The following TOPORS variants were observed in gnomAD, a reference collection of about 807,000 sequenced individuals.
TOPORS encodes the protein TOP1 binding arginine/serine rich protein, E3 ubiquitin ligase, also known as E3 ubiquitin-protein ligase Topors.
Under a neutral mutation model 81.4 loss-of-function variants are expected in TOPORS, and 25 were observed. The ratio of observed to expected loss-of-function variants is 0.31; its 90% CI spans 0.22 to 0.43. The LOEUF (loss-of-function observed/expected upper bound fraction) is 0.43. TOPORS is among the 20% of genes least tolerant of loss of function. The pLI, the probability that TOPORS is intolerant of heterozygous loss-of-function variation, is 1.00. For synonymous variants in TOPORS, 473 were observed against 456.6 expected (o/e 1.04, Z -0.46); for missense variants, 1,101 against 1,267.0 (o/e 0.87, Z 1.99).
intron 2 of TOPORS, among the ~76,000 whole-genome samples, chr9:32,546,588 T>C (rs1821143112): frequency 6.6e-6 from 1 of 152,256 alleles, no homozygotes; most frequent in African/African-American, 2.4e-5. Flanking sequence ...AATAGAATTT[T>C]AGTGTTTTCT....
rs760041665 is a variant in TOPORS at position 32,543,354 on chromosome 9, C to G, written c.1171G>C (p.Val391Leu). 1.2e-6 allele frequency: 2 copies of G among 1,614,106 alleles called. No individual in the cohort carries two copies. The highest frequency in any genetic ancestry group is 1.7e-6 in the Non-Finnish European group (2 of 1,180,026). Residue 391 changes from valine (V) to leucine (L), a missense_variant, in exon 3 of 3, where the codon GTC (valine) becomes CTC (leucine). By Grantham distance (32) the Val-to-Leu change is conservative (BLOSUM62 1). Coordinates refer to ENST00000360538, the MANE Select transcript of TOPORS (RefSeq NM_005802.5). The surrounding 1 kb of genome is among the most constrained non-coding windows in gnomAD (Gnocchi z 5.6). Reference sequence around the variant, plus strand: ...GCCTCATCTGGAGATATTGTTATGACTGAAGAATCAGAATGGCTGCCTTCT... The same window carrying G: ...GCCTCATCTGGAGATATTGTTATGAGTGAAGAATCAGAATGGCTGCCTTCT... The part of the protein sequence containing the change: ...YEEGSHSDSS[V>L]ITISPDEAET...
At chr9:32,549,641 A>G (rs1395703731) in intron 2 of TOPORS, among the ~76,000 whole-genome samples, 2 of 152,196 alleles carry the variant, frequency 1.3e-5, no homozygotes, top group African/African-American at 4.8e-5. Flanking sequence ...ATCACCCATA[A>G]CTGATTATAT....
chr9:32,552,321 G>C, intron 1 of TOPORS, 113 bp downstream of exon 1: 2 of 1,461,356 alleles, frequency 1.4e-6, no homozygotes, highest in South Asian at 1.2e-5. Context: ...GAGTGGGCGG[G>C]CGCTCGTGCC....
rs1821115107 is a variant in TOPORS, at chr9:32,544,338, A to G, written c.199-12T>C. On this transcript the variant is annotated splice_polypyrimidine_tract_variant and intron_variant, in intron 2 of 2. Transcript: ENST00000360538. ...GCTGATGCCATTATCTGTAAAAGGG[A>G]AAGAAATATATCAGTAACCTGATAA... 6.3e-7 allele frequency: 1 copy of G among 1,598,828 alleles called. No homozygotes were observed. Among genetic ancestry groups the G allele is most frequent in the South Asian group, 1.1e-5 (1 of 91,064 alleles).
At chr9:32,547,614 T>C (rs1226678535) in intron 2 of TOPORS, among the ~76,000 whole-genome samples, 2 of 152,148 alleles carry the variant, frequency 1.3e-5, no homozygotes, top group Admixed American at 1.3e-4. Context: ...AACCCACATA[T>C]TGTATGATAC....
intron 2 of TOPORS, among the ~76,000 whole-genome samples, chr9:32,544,949 A>C (rs912065105): frequency 6.6e-6 from 1 of 152,234 alleles, no homozygotes; most frequent in Non-Finnish European, 1.5e-5. Context: ...GATATTTTGT[A>C]TGTACTTTTC....
At chr9:32,551,899 T>G (rs1240158899) in intron 1 of TOPORS, 1 of 372,704 alleles carries the variant, frequency 2.7e-6, no homozygotes. Flanking sequence ...CCACAACGAT[T>G]TGTCACATAT....
At position 32,543,764 on chromosome 9, in the gene TOPORS, T is replaced by C. The variant is rs766304397; in HGVS notation, c.761A>G (p.Asp254Gly). 3.7e-6 allele frequency: 6 copies of C among 1,611,816 alleles called. No individual in the cohort carries two copies. Among genetic ancestry groups the C allele is most frequent in the East Asian group, 2.2e-5 (1 of 44,846 alleles). ...ERSLRKIQEQDIINFRRTLYR... is the reference protein window; with the variant it reads ...ERSLRKIQEQGIINFRRTLYR... ...AAGAGTTCGTCTAAAATTAATAATA[T>C]CTTGTTCTTGAATTTTCCGCAAAGA... is the stretch of plus-strand genomic sequence containing the variant. Residue 254 changes from aspartate to glycine, a missense_variant, in exon 3 of 3, where the codon GAT becomes GGT. This residue lies in a region of TOPORS where 120 missense variants were observed against 115.4 expected (regional missense o/e 1.04). Coordinates refer to ENST00000360538, the MANE Select transcript of TOPORS (RefSeq NM_005802.5). This position sits in a 1 kb window ranked among gnomAD's most constrained non-coding sequence, Gnocchi z 5.6.
intron 2 of TOPORS, among the ~76,000 whole-genome samples, chr9:32,545,107 A>C (rs1339515838): frequency 6.6e-6 from 1 of 152,228 alleles, no homozygotes; most frequent in African/African-American, 2.4e-5. Flanking sequence ...TTAAATAATA[A>C]ATGAAAAAGC....
At chr9:32,545,137 G>A (rs1821125092) in intron 2 of TOPORS, among the ~76,000 whole-genome samples, 1 of 152,124 alleles carries the variant, frequency 6.6e-6, no homozygotes, top group South Asian at 2.1e-4. Flanking sequence ...GCAGTGCCTG[G>A]CTCACAGTAG....
In TOPORS at chr9:32,543,835, A is replaced by T. The variant is rs1330398991; in HGVS notation, c.690T>A (p.Phe230Leu). 1 of 1,614,150 alleles carries T rather than the reference A, an allele frequency of 6.2e-7. No individual in the cohort carries two copies. ...GCCTCCTTACTGCAATCTGTCTCAT[A>T]AACTGAGGAATTTCAACATCTCTAG... Reference protein sequence around the residue: ...TRPRDVEIPQFMRQIAVRRPT... With the variant: ...TRPRDVEIPQLMRQIAVRRPT... Residue 230 changes from phenylalanine to leucine, a missense_variant, in exon 3 of 3, where the codon TTT (phenylalanine) becomes TTA (leucine). Phe to Leu is a conservative substitution (Grantham distance 22, BLOSUM62 0). Around this residue, in one of 9 missense-constraint regions of TOPORS, gnomAD observed 120 missense variants for 115.4 expected, o/e 1.04. Coordinates refer to ENST00000360538, the MANE Select transcript of TOPORS (RefSeq NM_005802.5). The surrounding 1 kb of genome is among the most constrained non-coding windows in gnomAD (Gnocchi z 5.6).
intron 2 of TOPORS, among the ~76,000 whole-genome samples, chr9:32,549,461 G>C (rs1388819229): frequency 6.6e-6 from 1 of 152,180 alleles, no homozygotes; most frequent in African/African-American, 2.4e-5. Context: ...GTAACCTGGA[G>C]GAAGTTTTTT....
intron 1 of TOPORS, chr9:32,551,636 A>T (rs950159531): frequency 3.7e-6 from 1 of 267,872 alleles, no homozygotes; most frequent in South Asian, 3.3e-5. Flanking sequence ...GCCCGTTGCC[A>T]GATTCTACTC....
chr9:32,543,854 T>A lies in TOPORS; in HGVS notation c.671A>T (p.Asp224Val). ...TCTCATAAACTGAGGAATTTCAACA[T>A]CTCTAGGTCTTGTTGAAATGCCTAA... ...EGLGISTRPR[D>V]VEIPQFMRQI... Residue 224 changes from aspartate (D) to valine (V), a missense_variant, in exon 3 of 3, where the codon GAT (aspartate) becomes GTT (valine). Asp to Val is a radical substitution (Grantham distance 152). This residue lies in a region of TOPORS where 120 missense variants were observed against 115.4 expected (regional missense o/e 1.04). Coordinates refer to ENST00000360538, the MANE Select transcript of TOPORS (RefSeq NM_005802.5). The surrounding 1 kb of genome is among the most constrained non-coding windows in gnomAD (Gnocchi z 5.6). 1.9e-6 allele frequency: 3 copies of A among 1,614,164 alleles called. No homozygotes were observed. The highest frequency in any genetic ancestry group is 1.1e-5 in the South Asian group (1 of 91,078).
intron 1 of TOPORS, chr9:32,551,744 G>A (rs1302997238): frequency 1.2e-5 from 5 of 431,796 alleles, no homozygotes; most frequent in Non-Finnish European, 2.4e-5. Flanking sequence ...TCTCACGCGC[G>A]GCAGTTCAAG....
chr9:32,545,308 A>G (rs1487882857), intron 2 of TOPORS, among the ~76,000 whole-genome samples: 2 of 151,652 alleles, frequency 1.3e-5, no homozygotes, highest in African/African-American at 4.9e-5. Context: ...CCCCTTCCCT[A>G]TTATCCTTTC....
rs1226521829 is a variant in TOPORS, at chr9:32,543,176, A to T, written c.1349T>A (p.Val450Asp). 1 of 1,613,980 alleles carries T rather than the reference A, an allele frequency of 6.2e-7. No individual in the cohort carries two copies. Among genetic ancestry groups the T allele is most frequent in the South Asian group, 1.1e-5 (1 of 91,084 alleles). Reference protein sequence around the residue: ...NTSDSSDEELVTGGATSQIQG... With the variant: ...NTSDSSDEELDTGGATSQIQG... Reference sequence around the variant, plus strand: ...TATCTGAGACGTGGCTCCTCCTGTGACAAGTTCTTCATCTGAACTGTCAGA... The same window carrying T: ...TATCTGAGACGTGGCTCCTCCTGTGTCAAGTTCTTCATCTGAACTGTCAGA... The change falls in exon 3 of 3, where the codon GTC becomes GAC. Residue 450 changes from valine to aspartate, a missense_variant. Val to Asp is a radical substitution (Grantham distance 152). Around this residue, in one of 9 missense-constraint regions of TOPORS, gnomAD observed 103 missense variants for 112.1 expected, o/e 0.92. Coordinates refer to ENST00000360538, the MANE Select transcript of TOPORS (RefSeq NM_005802.5). The surrounding 1 kb of genome is among the most constrained non-coding windows in gnomAD (Gnocchi z 5.6).
rs1821073267 is a variant in TOPORS, at chr9:32,542,108, G to C, written c.2417C>G (p.Thr806Ser). The stretch of plus-strand genomic sequence containing the variant: ...ACGAGATGGCTGAGCCACTTCGTTA[G>C]TACCCTCCAAATGCCGTGTTTTGTA... The part of the protein sequence containing the change: ...RKYKTRHLEG[T>S]NEVAQPSREF... The change falls in exon 3 of 3, where the codon ACT (threonine) becomes AGT (serine). Residue 806 changes from threonine (T) to serine (S), a missense_variant. This residue lies in a region of TOPORS where 605 missense variants were observed against 636.1 expected (regional missense o/e 0.95). Coordinates refer to ENST00000360538, the MANE Select transcript of TOPORS (RefSeq NM_005802.5). 1 of 1,614,062 alleles carries C rather than the reference G, an allele frequency of 6.2e-7. No individual in the cohort carries two copies. The highest frequency in any genetic ancestry group is 1.3e-5 in the African/African-American group (1 of 75,016).
chr9:32,551,121 AC>A (rs1821244830), intron 1 of TOPORS, 153 bp from the exon 2 acceptor site: 1 of 964,996 alleles, frequency 1.0e-6, no homozygotes, highest in Non-Finnish European at 1.6e-6. Flanking sequence ...GGCTCAGCGC[AC>A]CGGCCCAAAT....
Sources: allele counts gnomAD v4.1 joint callset (sites outside exome capture counted in the v4.1 genomes callset), GRCh38; gene constraint gnomAD v4.1.1; regional missense constraint gnomAD v4.1.1; non-coding constraint Gnocchi (gnomAD v3.1); transcripts MANE v1.5; gene names NCBI Gene and HGNC (gene_info 2026-07-23, HGNC 2026-07-21).